GALNT13: variants seen among roughly 807,000 people sequenced by gnomAD.
The protein encoded by GALNT13 is UDP-GalNAc:polypeptide N-acetylgalactosaminyltransferase 13.
In GALNT13, 28 loss-of-function variants were observed where a neutral mutation model predicts 64.2. The ratio of observed to expected loss-of-function variants is 0.44; its 90% CI spans 0.32 to 0.60. The LOEUF (loss-of-function observed/expected upper bound fraction) is 0.60. GALNT13 is among the 20% of genes least tolerant of loss of function. The pLI, the probability that GALNT13 is intolerant of heterozygous loss-of-function variation, is 0.05. For missense variants in GALNT13, 577 were observed against 669.8 expected, an observed-to-expected ratio of 0.86 and a Z score of 1.53; for synonymous variants, 214 against 224.6, an observed-to-expected ratio of 0.95 and a Z score of 0.42.
At chr2:153,306,117 A>G in the GALNT13 span, among the ~76,000 whole-genome samples, 2 of 152,132 alleles carry the variant, frequency 1.3e-5, no homozygotes, top group African/African-American at 4.8e-5. Context: ...TATGACCCAC[A>G]TGCTTTGAGA....
chr2:154,143,452 G>T (rs573427021), intron 4 of GALNT13, among the ~76,000 whole-genome samples: 1 of 151,162 alleles, frequency 6.6e-6, no homozygotes, highest in Non-Finnish European at 1.5e-5. Context: ...AAAAAATCTC[G>T]ACTTTCAACT....
chr2:154,395,158 A>G (rs997992715), intron 9 of GALNT13, among the ~76,000 whole-genome samples: 21 of 152,328 alleles, frequency 1.4e-4, no homozygotes, highest in Admixed American at 1.2e-3. Context: ...GAATATTCTA[A>G]GAATAATTGC....
intron 3 of GALNT13, among the ~76,000 whole-genome samples, chr2:154,096,133 C>T (rs978263509): frequency 4.6e-5 from 7 of 151,908 alleles, no homozygotes; most frequent in Admixed American, 1.3e-4. Context: ...TTTACACAAA[C>T]AAATTGAAAT....
At chr2:153,490,978 T>A in the GALNT13 span, among the ~76,000 whole-genome samples, 1 of 147,218 alleles carries the variant, frequency 6.8e-6, no homozygotes, top group African/African-American at 2.5e-5. Context: ...AAAAAAAAAA[T>A]TATAAAGGAA....
chr2:153,630,960 C>G, the GALNT13 span, among the ~76,000 whole-genome samples: 2 of 150,984 alleles, frequency 1.3e-5, no homozygotes, highest in Non-Finnish European at 2.9e-5. Flanking sequence ...TGCCTCCCCA[C>G]TCCCGCCACC....
At chr2:154,055,398 T>C (rs987546066) in intron 3 of GALNT13, among the ~76,000 whole-genome samples, 2 of 152,106 alleles carry the variant, frequency 1.3e-5, no homozygotes, top group Non-Finnish European at 2.9e-5. Flanking sequence ...ACCTAGTATT[T>C]ATAATGTAAT....
intron 8 of GALNT13, among the ~76,000 whole-genome samples, chr2:154,297,493 G>C (rs1359890811): frequency 6.6e-6 from 1 of 152,072 alleles, no homozygotes; most frequent in East Asian, 1.9e-4. Context: ...AGAAATACCA[G>C]ACTGCTCTCT....
the GALNT13 span, among the ~76,000 whole-genome samples, chr2:153,533,529 C>T: frequency 2.6e-5 from 4 of 151,746 alleles, no homozygotes; most frequent in Admixed American, 6.6e-5. Context: ...GGATTACAGG[C>T]GTGAGCCACT....
chr2:153,697,909 T>C, the GALNT13 span, among the ~76,000 whole-genome samples: 1 of 152,110 alleles, frequency 6.6e-6, no homozygotes, highest in Non-Finnish European at 1.5e-5. Flanking sequence ...TAATAATGAC[T>C]TAGGCCCAAG....
At chr2:153,813,950 T>C in the GALNT13 span, among the ~76,000 whole-genome samples, 1 of 152,192 alleles carries the variant, frequency 6.6e-6, no homozygotes, top group African/African-American at 2.4e-5. Flanking sequence ...ACTTTGGTGC[T>C]CCCTGATGTA....
the GALNT13 span, among the ~76,000 whole-genome samples, chr2:153,376,911 T>A: frequency 6.6e-6 from 1 of 152,202 alleles, no homozygotes; most frequent in African/African-American, 2.4e-5. Flanking sequence ...TGAATGTATA[T>A]AAGTACTTGA....
intron 9 of GALNT13, among the ~76,000 whole-genome samples, chr2:154,357,741 G>T (rs763493156): frequency 6.6e-6 from 1 of 152,048 alleles, no homozygotes; most frequent in Non-Finnish European, 1.5e-5. Context: ...TTATATCCCA[G>T]TATCAGTCAC....
chr2:153,363,807 C>T, the GALNT13 span, among the ~76,000 whole-genome samples: 1 of 152,064 alleles, frequency 6.6e-6, no homozygotes, highest in Non-Finnish European at 1.5e-5. Flanking sequence ...TCTACCAGAG[C>T]TACAAAGAGG....
At chr2:154,249,734 G>A (rs1045362511) in intron 7 of GALNT13, among the ~76,000 whole-genome samples, 3 of 151,988 alleles carry the variant, frequency 2.0e-5, no homozygotes, top group Non-Finnish European at 4.4e-5. Flanking sequence ...AAACAAAAGA[G>A]TTTTAGATGT....
chr2:154,305,779 T>G (rs1340596831), intron 9 of GALNT13, among the ~76,000 whole-genome samples: 2 of 152,226 alleles, frequency 1.3e-5, no homozygotes, highest in African/African-American at 4.8e-5. Context: ...TCTCTTTGTA[T>G]TCCTTGAAGT....
chr2:153,958,010 A>C (rs916428464), intron 3 of GALNT13, among the ~76,000 whole-genome samples: 2 of 152,160 alleles, frequency 1.3e-5, no homozygotes, highest in African/African-American at 4.8e-5. Flanking sequence ...TGGCACATGT[A>C]CTCTAAGTAT....
At chr2:154,059,466 A>G in intron 3 of GALNT13, among the ~76,000 whole-genome samples, 1 of 152,182 alleles carries the variant, frequency 6.6e-6, no homozygotes, top group East Asian at 1.9e-4. Flanking sequence ...TTTTGTTTTT[A>G]AGGCTGTGCT....
the GALNT13 span, among the ~76,000 whole-genome samples, chr2:153,614,692 C>T: frequency 6.6e-6 from 1 of 151,974 alleles, no homozygotes; most frequent in Admixed American, 6.6e-5. Context: ...TGTAGAATTG[C>T]TATTAATCCA....
the GALNT13 span, among the ~76,000 whole-genome samples, chr2:153,338,058 C>T: frequency 6.6e-6 from 1 of 152,024 alleles, no homozygotes; most frequent in Non-Finnish European, 1.5e-5. Context: ...GATCTCAGTA[C>T]TTTGGGAGGA....
Sources: allele counts gnomAD v4.1 joint callset (sites outside exome capture counted in the v4.1 genomes callset), GRCh38; gene constraint gnomAD v4.1.1; transcripts MANE v1.5; gene names NCBI Gene and HGNC (gene_info 2026-07-23, HGNC 2026-07-21).